The following BMP8B variants were observed in gnomAD, a reference collection of about 807,000 sequenced individuals.
BMP8B encodes bone morphogenetic protein 8 (osteogenic protein 2).
A neutral mutation model predicts 30.3 loss-of-function variants in BMP8B; 17 were observed. That is an observed-to-expected ratio of 0.56 (90% CI 0.38 to 0.84). The LOEUF (loss-of-function observed/expected upper bound fraction) is 0.84. Ranked by LOEUF, BMP8B falls within the 40% of genes least tolerant of loss-of-function variation. BMP8B has a pLI of 0.00. For synonymous variants in BMP8B, 131 were observed against 214.7 expected, an observed-to-expected ratio of 0.61 and a Z score of 3.41; for missense variants, 253 against 494.6, an observed-to-expected ratio of 0.51 and a Z score of 4.63.
chr1:39,787,228 A>G (rs230327), intron 1 of BMP8B, among the ~76,000 whole-genome samples: 37,389 of 149,408 alleles, frequency 0.25, 5,380 homozygotes, highest in African/African-American at 0.38. Flanking sequence ...AGGGAGGCTG[A>G]TGGCCGGGGC....
At position 39,788,538 on chromosome 1, in the gene BMP8B, CGGCCGACCCAG is replaced by C; in HGVS notation, c.-64_-54del. The C allele has an allele frequency of 1.0e-6, 1 of 997,648 alleles. No individual in the cohort carries two copies. Among genetic ancestry groups the C allele is most frequent in the Non-Finnish European group, 1.2e-6 (1 of 839,450 alleles). 61.8% of individuals were successfully genotyped at this position (997,648 alleles called of 1,614,324 possible). A position where few individuals can be genotyped will look rare whatever the true frequency, so the allele number is the denominator to read the frequency against. On this transcript the variant is annotated 5_prime_UTR_variant, in exon 1 of 7. Coordinates refer to ENST00000372827, the MANE Select transcript of BMP8B (RefSeq NM_001720.5). This position sits in a 1 kb window ranked among gnomAD's most constrained non-coding sequence, Gnocchi z 5.8. ...GCTCAGCGGGCGCGCATCGGCTCCG[CGGCCGACCCAG>C]GGCCTGGGGACGCCCCGACGGCAAG...
chr1:39,779,189 T>C (rs1650444718), intron 1 of BMP8B, among the ~76,000 whole-genome samples: 1 of 152,082 alleles, frequency 6.6e-6, no homozygotes, highest in Admixed American at 6.5e-5. Context: ...GCCACCTTCC[T>C]CCAGGCAGGG....
intron 1 of BMP8B, among the ~76,000 whole-genome samples, chr1:39,786,053 C>T (rs1052392857): frequency 2.0e-5 from 3 of 152,088 alleles, no homozygotes; most frequent in Non-Finnish European, 2.9e-5. Context: ...AATCCACAGC[C>T]GTGGATGTCA....
chr1:39,761,559 G>C (rs549018873), intron 6 of BMP8B, among the ~76,000 whole-genome samples: 21 of 152,036 alleles, frequency 1.4e-4, no homozygotes, highest in African/African-American at 4.8e-4. Flanking sequence ...CCTTCATTCA[G>C]ACCCCCAGGC....
chr1:39,760,536 C>T lies in BMP8B; in HGVS notation c.1092G>A (p.Lys364=), dbSNP rs1377807024. 2.2e-5 allele frequency: 35 copies of T among 1,613,938 alleles called. No homozygotes were observed. The highest frequency in any genetic ancestry group is 2.9e-5 in the Non-Finnish European group (34 of 1,180,026). Residue 364 remains lysine, a synonymous_variant, in exon 7 of 7, where the codon AAG becomes AAA. Coordinates refer to ENST00000372827, the MANE Select transcript of BMP8B (RefSeq NM_001720.5). The stretch of plus-strand genomic sequence containing the variant: ...TCAGCTTGGTGGGTGCACAGCACGC[C>T]TTGGGGACTGCGTCTGGCATCATCA... The part of the protein sequence containing the change: ...VHLMMPDAVP[K]ACCAPTKLSA...
intron 1 of BMP8B, among the ~76,000 whole-genome samples, chr1:39,783,659 G>A (rs1650801065): frequency 6.6e-6 from 1 of 152,238 alleles, no homozygotes; most frequent in Non-Finnish European, 1.5e-5. Context: ...TGTAATCCCA[G>A]CACTTTGGGA....
Position 39,788,427 on chromosome 1 carries a change from C to T in BMP8B, c.59G>A (p.Gly20Glu), listed in dbSNP as rs183210360. The T allele has an allele frequency of 0.027, 28,356 of 1,039,432 alleles. 566 individuals are homozygous for T. Among genetic ancestry groups the T allele is most frequent in the East Asian group, 0.13 (1,595 of 12,456 alleles). 64.4% of individuals were successfully genotyped at this position (1,039,432 alleles called of 1,614,324 possible). ...LLGLALCALGGGGPGLRPPPG... is the reference protein window; with the variant it reads ...LLGLALCALGEGGPGLRPPPG... ...CGGGGGTCGCAGGCCGGGGCCGCCC[C>T]CGCCCAGCGCGCATAGCGCCAGGCC... The change falls in exon 1 of 7, where the codon GGG becomes GAG. Residue 20 changes from glycine to glutamate, a missense_variant. Transcript: ENST00000372827. The surrounding 1 kb of genome is among the most constrained non-coding windows in gnomAD (Gnocchi z 5.8).
At position 39,759,964 on chromosome 1, in the gene BMP8B, C is replaced by T; in HGVS notation, c.*455G>A. The stretch of plus-strand genomic sequence containing the variant: ...TGCACCTCGGGCAGGCAATGGGGAG[C>T]CAACCAGACCCTGACTACACACACC... On this transcript the variant is annotated 3_prime_UTR_variant, in exon 7 of 7. Coordinates refer to ENST00000372827, the MANE Select transcript of BMP8B (RefSeq NM_001720.5). 5.8e-6 allele frequency: 1 copy of T among 173,748 alleles called. No homozygotes were observed. The highest frequency in any genetic ancestry group is 1.2e-5 in the Non-Finnish European group (1 of 81,328). The allele number at this position is 173,748 out of a possible 1,614,324, so 10.8% of individuals were successfully genotyped here.
intron 1 of BMP8B, among the ~76,000 whole-genome samples, chr1:39,777,819 C>T (rs1422839031): frequency 6.6e-6 from 1 of 152,152 alleles, no homozygotes; most frequent in Non-Finnish European, 1.5e-5. Context: ...GCCCTGCCAT[C>T]TGTCCCTCCG....
rs1346085874 is a variant in BMP8B, at chr1:39,784,685, C to A, written c.334+3467G>T. 8.1e-5 allele frequency among the ~76,000 whole-genome samples: 10 copies of A among 123,368 alleles called. 3 individuals are homozygous for A. The highest frequency in any genetic ancestry group is 5.0e-4 in the Admixed American group (6 of 11,920). 80.9% of individuals were successfully genotyped at this position (123,368 alleles called of 152,430 possible). A position where few individuals can be genotyped will look rare whatever the true frequency, so the allele number is the denominator to read the frequency against. On this transcript the variant is annotated intron_variant, in intron 1 of 6. Transcript: ENST00000372827. The stretch of plus-strand genomic sequence containing the variant: ...CCAAAGGAAGTGGCCCTGGGGCCCA[C>A]GGAGATGGTGCCACCCTTCTAGGTC...
rs1227148591 is a variant in BMP8B at position 39,768,179 on chromosome 1, C to A, written c.674-3362G>T. 1.3e-5 allele frequency among the ~76,000 whole-genome samples: 2 copies of A among 151,110 alleles called. 1 individual carries two copies. The highest frequency in any genetic ancestry group is 3.0e-5 in the Non-Finnish European group (2 of 67,756). ...CCTCTTGGGTTACAACGGACCATCA[C>A]ACAAGTGGCCAGTTTGGGCCTCCAT... is the stretch of plus-strand genomic sequence containing the variant. On this transcript the variant is annotated intron_variant, in intron 3 of 6. Coordinates refer to ENST00000372827, the MANE Select transcript of BMP8B (RefSeq NM_001720.5).
Position 39,763,119 on chromosome 1 carries a change from G to A in BMP8B, c.1032C>T (p.Ala344=), listed in dbSNP as rs761692229. 3.7e-6 allele frequency: 6 copies of A among 1,614,068 alleles called. No homozygotes were observed. In the Admixed American group the frequency reaches 8.3e-5, roughly 22 times the overall value. The change falls in exon 6 of 7, where the codon GCC becomes GCT. Residue 344 remains alanine (A), a synonymous_variant. Transcript: ENST00000372827. Reference sequence around the variant, plus strand: ...GGGACTGCAGGATGGCGTGGTTGGTGGCATTCATGCAGGAGTCCAGTGGGA... The same window carrying A: ...GGGACTGCAGGATGGCGTGGTTGGTAGCATTCATGCAGGAGTCCAGTGGGA... ...CSFPLDSCMN[A]TNHAILQSLV...
At position 39,788,595 on chromosome 1, in the gene BMP8B, G is replaced by GTGCCCGC; in HGVS notation, c.-111_-110insGCGGGCA. The GTGCCCGC allele has an allele frequency of 1.1e-6, 1 of 951,400 alleles. No homozygotes were observed. The allele number at this position is 951,400 out of a possible 1,614,324, so 58.9% of individuals were successfully genotyped here. ...GCAAGGAGGCTGGGCTCGGCGGGCG[G>GTGCCCGC]CGGGCGGCGGGGCGGGGCGGGACGG... On this transcript the variant is annotated 5_prime_UTR_variant, in exon 1 of 7. Transcript: ENST00000372827. This position sits in a 1 kb window ranked among gnomAD's most constrained non-coding sequence, Gnocchi z 5.8.
chr1:39,770,238 T>C, intron 3 of BMP8B: 2 of 1,510,162 alleles, frequency 1.3e-6, no homozygotes, highest in Non-Finnish European at 1.8e-6. Context: ...CCGTTCTCAC[T>C]GTGAAGATGG....
rs1043009750 is a variant in BMP8B at position 39,763,327 on chromosome 1, C to G, written c.949-125G>C. 39 of 984,984 alleles carry G rather than the reference C, an allele frequency of 4.0e-5. 1 individual carries two copies. The highest frequency in any genetic ancestry group is 5.4e-5 in the Non-Finnish European group (36 of 662,384). The allele number at this position is 984,984 out of a possible 1,614,324, so 61.0% of individuals were successfully genotyped here. A position where few individuals can be genotyped will look rare whatever the true frequency, so the allele number is the denominator to read the frequency against. The stretch of plus-strand genomic sequence containing the variant: ...AGGCTTGAATCCACCCAGGAACCCC[C>G]GGCAGAAAAGGCTGGGCAGGAGCTC... On this transcript the variant is annotated intron_variant, in intron 5 of 6. Transcript: ENST00000372827.
chr1:39,760,816 G>A lies in BMP8B; in HGVS notation c.1060-248C>T, dbSNP rs536626674. Among the ~76,000 whole-genome samples the A allele has an allele frequency of 4.7e-4, 71 of 152,294 alleles. 1 individual carries two copies. Among genetic ancestry groups the A allele is most frequent in the Non-Finnish European group, 9.4e-4 (64 of 68,010 alleles). ...GGGGTGTGCAGCAGGTGGGCAAGGC[G>A]CTAATGAGGGGCCTGGAGTCCCAGG... On this transcript the variant is annotated intron_variant, in intron 6 of 6. Coordinates refer to ENST00000372827, the MANE Select transcript of BMP8B (RefSeq NM_001720.5).
chr1:39,759,943 C>A lies in BMP8B; in HGVS notation c.*476G>T, dbSNP rs1273520525. 5.7e-6 allele frequency: 1 copy of A among 174,924 alleles called. No individual in the cohort carries two copies. Among genetic ancestry groups the A allele is most frequent in the Non-Finnish European group, 1.2e-5 (1 of 81,928 alleles). The allele number at this position is 174,924 out of a possible 1,614,324, so 10.8% of individuals were successfully genotyped here. A position where few individuals can be genotyped will look rare whatever the true frequency, so the allele number is the denominator to read the frequency against. ...ATCCAGTTTTATACCCCACCTTGCA[C>A]CTCGGGCAGGCAATGGGGAGCCAAC... is the stretch of plus-strand genomic sequence containing the variant. On this transcript the variant is annotated 3_prime_UTR_variant, in exon 7 of 7. Transcript: ENST00000372827.
chr1:39,781,414 T>C (rs1057289004), intron 1 of BMP8B, among the ~76,000 whole-genome samples: 1 of 152,242 alleles, frequency 6.6e-6, no homozygotes, highest in Non-Finnish European at 1.5e-5. Context: ...CTGACATTTA[T>C]TGAGCACTGA....
rs1168671091 is a variant in BMP8B at position 39,758,092 on chromosome 1, C to T, written c.*2327G>A. 3 of 152,182 alleles carry T rather than the reference C, an allele frequency of 2.0e-5. No individual in the cohort carries two copies. The highest frequency in any genetic ancestry group is 6.5e-5 in the Admixed American group (1 of 15,288). 9.4% of individuals were successfully genotyped at this position (152,182 alleles called of 1,614,324 possible). ...ACCCCTAACTATGCCAGATCATTGGCTGGGCACTAAAGATACAGGTGGAGT... is the reference window on the plus strand; with the variant it reads ...ACCCCTAACTATGCCAGATCATTGGTTGGGCACTAAAGATACAGGTGGAGT... On this transcript the variant is annotated 3_prime_UTR_variant, in exon 7 of 7. Transcript: ENST00000372827.
Sources: allele counts gnomAD v4.1 joint callset (sites outside exome capture counted in the v4.1 genomes callset), GRCh38; gene constraint gnomAD v4.1.1; non-coding constraint Gnocchi (gnomAD v3.1); transcripts MANE v1.5; gene names NCBI Gene and HGNC (gene_info 2026-07-23, HGNC 2026-07-21).